The following NRG1 variants were observed in gnomAD, a reference collection of about 807,000 sequenced individuals.
NRG1 encodes the protein neuregulin 1.
In NRG1, 18 loss-of-function variants were observed where a neutral mutation model predicts 63.8. The ratio of observed to expected loss-of-function variants is 0.28; its 90% CI spans 0.19 to 0.42. NRG1 has a LOEUF of 0.42. NRG1 is among the 10% of genes least tolerant of loss of function. NRG1 has a pLI of 1.00. For synonymous variants in NRG1, 302 were observed against 301.3 expected, an observed-to-expected ratio of 1.00 and a Z score of -0.02; for missense variants, 762 against 814.7, an observed-to-expected ratio of 0.94 and a Z score of 0.79.
intron 1 of NRG1, among the ~76,000 whole-genome samples, chr8:31,710,673 G>A (rs1426258342): frequency 6.6e-6 from 1 of 151,686 alleles, no homozygotes. Flanking sequence ...TTTCTGTTTT[G>A]CCAGTATATC....
intron 5 of NRG1, among the ~76,000 whole-genome samples, chr8:32,650,014 A>G (rs1052005486): frequency 9.2e-5 from 14 of 152,298 alleles, no homozygotes; most frequent in East Asian, 3.9e-4. Flanking sequence ...TTGTCCAGAG[A>G]AAGAAAAAAA....
chr8:32,154,066 C>G (rs1837796102), intron 1 of NRG1, among the ~76,000 whole-genome samples: 1 of 152,140 alleles, frequency 6.6e-6, no homozygotes, highest in Non-Finnish European at 1.5e-5. Flanking sequence ...TCTTCCCTGT[C>G]CTCTCTTCTC....
At chr8:31,893,306 G>T (rs1167934697) in intron 1 of NRG1, among the ~76,000 whole-genome samples, 3 of 151,192 alleles carry the variant, frequency 2.0e-5, no homozygotes, top group Admixed American at 2.0e-4. Flanking sequence ...ATTTCATATA[G>T]ATTTTAAGGT....
At chr8:31,809,065 A>T (rs951124637) in intron 1 of NRG1, among the ~76,000 whole-genome samples, 1 of 151,948 alleles carries the variant, frequency 6.6e-6, no homozygotes, top group Non-Finnish European at 1.5e-5. Context: ...TTTTCTACAG[A>T]CTTGTGAAGA....
At chr8:31,964,119 C>G (rs1805931669) in intron 1 of NRG1, among the ~76,000 whole-genome samples, 1 of 152,188 alleles carries the variant, frequency 6.6e-6, no homozygotes, top group Non-Finnish European at 1.5e-5. Context: ...TGAGAGCTGT[C>G]TGTCTTCCCA....
intron 1 of NRG1, among the ~76,000 whole-genome samples, chr8:31,801,069 G>C (rs944154953): frequency 6.6e-6 from 1 of 151,048 alleles, no homozygotes; most frequent in Non-Finnish European, 1.5e-5. Flanking sequence ...GGATGGTCTC[G>C]ATCTCCTGAC....
chr8:32,262,212 T>C (rs1451356158), intron 1 of NRG1, among the ~76,000 whole-genome samples: 1 of 152,178 alleles, frequency 6.6e-6, no homozygotes, highest in East Asian at 1.9e-4. Context: ...TTCATATAAA[T>C]CACAAATTTT....
intron 1 of NRG1, among the ~76,000 whole-genome samples, chr8:32,312,167 T>TG (rs1421565950): frequency 3.0e-5 from 4 of 132,898 alleles, no homozygotes; most frequent in Admixed American, 7.6e-5. Context: ...GTTTTTTTTT[T>TG]TTTTTTTTTT....
intron 1 of NRG1, among the ~76,000 whole-genome samples, chr8:32,470,945 A>G (rs1240998430): frequency 2.0e-5 from 3 of 152,118 alleles, no homozygotes; most frequent in South Asian, 2.1e-4. Flanking sequence ...CTATAGGCGC[A>G]TGCCATCATG....
intron 1 of NRG1, among the ~76,000 whole-genome samples, chr8:32,090,467 C>T (rs978022197): frequency 1.3e-5 from 2 of 152,052 alleles, no homozygotes; most frequent in African/African-American, 4.8e-5. Context: ...ATTATAGGTG[C>T]ATGCCATCAG....
chr8:32,471,614 C>T (rs549225003), intron 1 of NRG1, among the ~76,000 whole-genome samples: 38 of 151,984 alleles, frequency 2.5e-4, no homozygotes, highest in African/African-American at 7.0e-4. Context: ...CAAAGCCTTA[C>T]GTATTTTTTA....
At chr8:31,807,946 CGCGT>C (rs1426751305) in intron 1 of NRG1, among the ~76,000 whole-genome samples, 58 of 69,404 alleles carry the variant, frequency 8.4e-4, no homozygotes, top group Admixed American at 2.1e-3. Flanking sequence ...CAAGAGTATT[CGCGT>C]GTGTGTGTGT....
intron 1 of NRG1, among the ~76,000 whole-genome samples, chr8:31,865,248 A>G (rs1355788578): frequency 6.6e-6 from 1 of 152,094 alleles, no homozygotes; most frequent in Non-Finnish European, 1.5e-5. Flanking sequence ...GTTCAAGACC[A>G]CTGCTGACCT....
At chr8:32,759,124 G>C (rs1367136970) in intron 9 of NRG1, among the ~76,000 whole-genome samples, 182 bp from the exon 10 acceptor site, 2 of 151,964 alleles carry the variant, frequency 1.3e-5, no homozygotes, top group Non-Finnish European at 1.5e-5. Flanking sequence ...AAAAGCCACA[G>C]TAGCCAGGAC....
chr8:32,091,420 A>G (rs953880140), intron 1 of NRG1, among the ~76,000 whole-genome samples: 1 of 152,240 alleles, frequency 6.6e-6, no homozygotes, highest in African/African-American at 2.4e-5. Context: ...CTGAAGTAAT[A>G]ATAAAATGAG....
chr8:31,884,568 T>C (rs1830582424), intron 1 of NRG1, among the ~76,000 whole-genome samples: 1 of 152,144 alleles, frequency 6.6e-6, no homozygotes, highest in South Asian at 2.1e-4. Context: ...TTGCCTTCAC[T>C]TTCTCTCCTG....
exon 12 of NRG1, chr8:32,763,906 G>T: frequency 6.2e-7 from 1 of 1,614,016 alleles, no homozygotes; most frequent in Non-Finnish European, 8.5e-7. Context: ...GAAGAAGAGA[G>T]ACCTCTACTT....
At chr8:32,390,908 T>C (rs1365176062) in intron 1 of NRG1, among the ~76,000 whole-genome samples, 1 of 152,182 alleles carries the variant, frequency 6.6e-6, no homozygotes, top group Admixed American at 6.5e-5. Flanking sequence ...GTCAACAGTC[T>C]CTTAATCAAT....
In NRG1 at chr8:32,238,643, G is replaced by A. The variant is rs1296939290; in HGVS notation, c.38-357185G>A. On this transcript the variant is annotated intron_variant, in intron 1 of 10. Transcript: ENST00000519301. ...CAGCAAACTGATAGGTTGCTTCTGG[G>A]TCTAAACCCACTGTAATCATTTGCT... Among the ~76,000 whole-genome samples the A allele has an allele frequency of 5.3e-5, 8 of 152,136 alleles. No individual in the cohort carries two copies. The East Asian group carries it at 1.6e-3, about 30-fold the overall frequency.
Sources: gnomAD v4.1 joint callset for allele counts (sites outside exome capture counted in the v4.1 genomes callset) on GRCh38, gnomAD v4.1.1 for gene constraint, MANE v1.5 for transcripts, NCBI Gene and HGNC (gene_info 2026-07-23, HGNC 2026-07-21) for gene names.